The following NEURL1 variants were observed in gnomAD, a reference collection of about 807,000 sequenced individuals.
The protein encoded by NEURL1 is neuralized E3 ubiquitin protein ligase 1, also known as E3 ubiquitin-protein ligase NEURL1.
A neutral mutation model predicts 41.2 loss-of-function variants in NEURL1; 26 were observed. The ratio of observed to expected loss-of-function variants is 0.63; its 90% CI spans 0.46 to 0.87. The LOEUF is 0.87. Ranked by LOEUF, NEURL1 falls within the 40% of genes least tolerant of loss-of-function variation. NEURL1 has a pLI of 0.00. For synonymous variants in NEURL1, 400 were observed against 402.3 expected, an observed-to-expected ratio of 0.99 and a Z score of 0.07; for missense variants, 761 against 871.1, an observed-to-expected ratio of 0.87 and a Z score of 1.59.
At chr10:103,561,959 C>T (rs1415760076) in intron 1 of NEURL1, among the ~76,000 whole-genome samples, 4 of 152,172 alleles carry the variant, frequency 2.6e-5, no homozygotes, top group Admixed American at 2.0e-4. Flanking sequence ...GGGCAAGGCA[C>T]GAAGTGGGTG....
chr10:103,551,378 C>T (rs1037346885), intron 1 of NEURL1, among the ~76,000 whole-genome samples: 3 of 147,362 alleles, frequency 2.0e-5, no homozygotes, highest in African/African-American at 7.7e-5. Flanking sequence ...TCTTGGCTCA[C>T]TGCAACCTCC....
At chr10:103,525,358 CTT>C (rs554506607) in intron 1 of NEURL1, among the ~76,000 whole-genome samples, 3 of 136,074 alleles carry the variant, frequency 2.2e-5, no homozygotes, top group African/African-American at 2.7e-5. Context: ...TTTCTTTTTT[CTT>C]TTTTTTTTTT....
Position 103,508,696 on chromosome 10 carries a change from G to T in NEURL1, c.85+14224G>T, listed in dbSNP as rs973749982. Among the ~76,000 whole-genome samples the T allele has an allele frequency of 2.0e-5, 3 of 152,158 alleles. No individual in the cohort carries two copies. Among genetic ancestry groups the T allele is most frequent in the African/African-American group, 7.2e-5 (3 of 41,426 alleles). On this transcript the variant is annotated intron_variant, in intron 1 of 5. Transcript: ENST00000369780. This position sits in a 1 kb window ranked among gnomAD's most constrained non-coding sequence, Gnocchi z 4.3. ...CATGCAGACCCTGATGTGGGCCCAG[G>T]GGTTGGAGGAAGCGGTTGGGATAGG...
chr10:103,567,353 C>G (rs954703869), intron 1 of NEURL1, among the ~76,000 whole-genome samples: 1 of 151,854 alleles, frequency 6.6e-6, no homozygotes, highest in African/African-American at 2.4e-5. Context: ...AAAAATTTAT[C>G]CAGCACACCA....
At chr10:103,564,758 G>A (rs2035381256) in intron 1 of NEURL1, among the ~76,000 whole-genome samples, 1 of 152,186 alleles carries the variant, frequency 6.6e-6, no homozygotes, top group African/African-American at 2.4e-5. Context: ...CATAGTGTAG[G>A]GGGGAAGCCC....
At chr10:103,500,132 G>T (rs1428473112) in intron 1 of NEURL1, among the ~76,000 whole-genome samples, 1 of 152,176 alleles carries the variant, frequency 6.6e-6, no homozygotes, top group Non-Finnish European at 1.5e-5. Flanking sequence ...CGTCAGCCCC[G>T]TGTTGAACCC....
intron 1 of NEURL1, among the ~76,000 whole-genome samples, chr10:103,506,894 T>C (rs1030683627): frequency 2.0e-5 from 3 of 152,180 alleles, no homozygotes; most frequent in African/African-American, 4.8e-5. Flanking sequence ...CTTGCCCTGC[T>C]CTTTCCAGCT....
intron 1 of NEURL1, among the ~76,000 whole-genome samples, chr10:103,554,589 C>A (rs1233913749): frequency 6.6e-6 from 1 of 152,120 alleles, no homozygotes; most frequent in Non-Finnish European, 1.5e-5. Flanking sequence ...AGCAGCCTCT[C>A]TTTGTCTCAG....
At chr10:103,586,411 T>C (rs1174342136) in intron 4 of NEURL1, among the ~76,000 whole-genome samples, 1 of 152,118 alleles carries the variant, frequency 6.6e-6, no homozygotes, top group Non-Finnish European at 1.5e-5. Flanking sequence ...CCTCCAGAGA[T>C]TTTAATTCGG....
chr10:103,590,633 CCT>C lies in NEURL1; in HGVS notation c.*266_*267del. 1 of 530,970 alleles carries C rather than the reference CCT, an allele frequency of 1.9e-6. No individual in the cohort carries two copies. The highest frequency in any genetic ancestry group is 1.9e-5 in the African/African-American group (1 of 52,640). 32.9% of individuals were successfully genotyped at this position (530,970 alleles called of 1,614,324 possible). A position where few individuals can be genotyped will look rare whatever the true frequency, so the allele number is the denominator to read the frequency against. ...GTCTCTCCCGTCTCTGCACCCAGCT[CCT>C]CTCTGCATGCTGAGGGCTAAATTGG... On this transcript the variant is annotated 3_prime_UTR_variant, in exon 6 of 6. Coordinates refer to ENST00000369780, the MANE Select transcript of NEURL1 (RefSeq NM_004210.5).
chr10:103,553,901 G>A (rs1462603645), intron 1 of NEURL1, among the ~76,000 whole-genome samples: 1 of 152,242 alleles, frequency 6.6e-6, no homozygotes, highest in African/African-American at 2.4e-5. Flanking sequence ...CTGTCCTGTT[G>A]TCCTGGTAGA....
chr10:103,497,680 G>C (rs952514408), intron 1 of NEURL1, among the ~76,000 whole-genome samples: 1 of 152,182 alleles, frequency 6.6e-6, no homozygotes, highest in Non-Finnish European at 1.5e-5. Flanking sequence ...AACAGCGTTG[G>C]TCTAGGAGTG....
At chr10:103,547,463 G>C (rs1230818053) in intron 1 of NEURL1, among the ~76,000 whole-genome samples, 1 of 152,246 alleles carries the variant, frequency 6.6e-6, no homozygotes. Context: ...CAGGGCCAGG[G>C]CATGGGAGCA....
In NEURL1 at chr10:103,566,608, C is replaced by T. The variant is rs1012067941; in HGVS notation, c.86-4264C>T. Among the ~76,000 whole-genome samples the T allele has an allele frequency of 6.6e-6, 1 of 152,104 alleles. No individual in the cohort carries two copies. Among genetic ancestry groups the T allele is most frequent in the African/African-American group, 2.4e-5 (1 of 41,390 alleles). On this transcript the variant is annotated intron_variant, in intron 1 of 5. Coordinates refer to ENST00000369780, the MANE Select transcript of NEURL1 (RefSeq NM_004210.5). This position sits in a 1 kb window ranked among gnomAD's most constrained non-coding sequence, Gnocchi z 4.2. Reference sequence around the variant, plus strand: ...TTTTAACTGCTCACCAGCTGAAGGACGTTTGAGTTGTTTCTAGTTCAGGGT... The same window carrying T: ...TTTTAACTGCTCACCAGCTGAAGGATGTTTGAGTTGTTTCTAGTTCAGGGT...
Position 103,564,096 on chromosome 10 carries a change from A to G in NEURL1, c.86-6776A>G, listed in dbSNP as rs139628722. On this transcript the variant is annotated intron_variant, in intron 1 of 5. Coordinates refer to ENST00000369780, the MANE Select transcript of NEURL1 (RefSeq NM_004210.5). ...TCTGGGGCAGAGCTTGGTGGGGGCC[A>G]TGGGGAGGTCACTCCGGAGGGTATG... is the stretch of plus-strand genomic sequence containing the variant. Among the ~76,000 whole-genome samples, 955 of 152,240 alleles carry G rather than the reference A, an allele frequency of 6.3e-3. 9 individuals carry two copies. The highest frequency in any genetic ancestry group is 0.022 in the African/African-American group (901 of 41,560).
chr10:103,555,949 G>A (rs1592219286), intron 1 of NEURL1, among the ~76,000 whole-genome samples: 1 of 142,570 alleles, frequency 7.0e-6, no homozygotes, highest in African/African-American at 3.1e-5. Context: ...ATGTGTGTCT[G>A]TGCTCGTGAG....
intron 1 of NEURL1, among the ~76,000 whole-genome samples, chr10:103,563,926 G>T (rs1446730975): frequency 6.6e-5 from 10 of 152,196 alleles, no homozygotes; most frequent in Admixed American, 6.5e-4. Flanking sequence ...CATAAATCAA[G>T]ACACTGCCCT....
intron 3 of NEURL1, among the ~76,000 whole-genome samples, chr10:103,578,532 G>T (rs1190910909): frequency 6.6e-6 from 1 of 152,232 alleles, no homozygotes; most frequent in Non-Finnish European, 1.5e-5. Flanking sequence ...CCACCTCCTA[G>T]ACTTCAGCCA....
intron 1 of NEURL1, among the ~76,000 whole-genome samples, chr10:103,503,462 G>A (rs1335137870): frequency 6.6e-6 from 1 of 152,222 alleles, no homozygotes; most frequent in Non-Finnish European, 1.5e-5. Context: ...GGGAGGTGGG[G>A]CTCTGGCACT....
Sources: gnomAD v4.1 joint callset for allele counts (sites outside exome capture counted in the v4.1 genomes callset) on GRCh38, gnomAD v4.1.1 for gene constraint, Gnocchi (gnomAD v3.1) non-coding constraint, MANE v1.5 for transcripts, NCBI Gene and HGNC (gene_info 2026-07-23, HGNC 2026-07-21) for gene names.